SULF2: variants seen among roughly 807,000 people sequenced by gnomAD.
SULF2 encodes the protein extracellular sulfatase Sulf-2.
Under a neutral mutation model 107.7 loss-of-function variants are expected in SULF2, and 52 were observed. The ratio of observed to expected loss-of-function variants is 0.48; its 90% CI spans 0.39 to 0.61. The LOEUF (loss-of-function observed/expected upper bound fraction) is 0.61, where lower values mean the gene tolerates loss of function less well. Ranked by LOEUF, SULF2 falls within the 20% of genes least tolerant of loss-of-function variation. SULF2 has a pLI of 0.00. For synonymous variants in SULF2, 460 were observed against 464.3 expected (o/e 0.99, Z 0.12); for missense variants, 993 against 1,177.3 (o/e 0.84, Z 2.29).
intron 5 of SULF2, among the ~76,000 whole-genome samples, chr20:47,687,403 C>T (rs971965219): frequency 2.0e-5 from 3 of 152,184 alleles, no homozygotes; most frequent in Admixed American, 6.5e-5. Flanking sequence ...ATATCTGGTG[C>T]GTTCACAAAA....
intron 11 of SULF2, among the ~76,000 whole-genome samples, chr20:47,671,523 C>T (rs1261554847): frequency 2.0e-5 from 3 of 151,940 alleles, no homozygotes; most frequent in South Asian, 4.2e-4. Flanking sequence ...ATCTGTCCAC[C>T]TCGGCCTCTC....
chr20:47,688,994 G>T (rs1461962670), intron 5 of SULF2, among the ~76,000 whole-genome samples: 1 of 152,220 alleles, frequency 6.6e-6, no homozygotes, highest in Admixed American at 6.5e-5. Context: ...CTGAGGCAGA[G>T]AGAAGCAGGA....
At position 47,659,697 on chromosome 20, in the gene SULF2, C is replaced by G. The variant is rs2087004639; in HGVS notation, c.2528G>C (p.Arg843Thr). 6.2e-7 allele frequency: 1 copy of G among 1,611,706 alleles called. No individual in the cohort carries two copies. The highest frequency in any genetic ancestry group is 1.7e-5 in the Admixed American group (1 of 59,886). ...AGGCTTTAATAATAAAACGAAATACCTGTATTGCTCATAGCTTCCTCCATC... is the reference window on the plus strand; with the variant it reads ...AGGCTTTAATAATAAAACGAAATACGTGTATTGCTCATAGCTTCCTCCATC... ...LKDGGSYEQY[R>T]QFQRRKWPEM... The change falls in exon 19 of 21, where the codon AGG becomes ACG. Residue 843 changes from arginine (R) to threonine (T), a missense_variant and splice_region_variant. Around this residue, in one of 3 missense-constraint regions of SULF2, gnomAD observed 497 missense variants for 544.1 expected, o/e 0.91. Transcript: ENST00000688720.
chr20:47,763,797 C>T (rs1204730717), intron 1 of SULF2, among the ~76,000 whole-genome samples: 1 of 152,180 alleles, frequency 6.6e-6, no homozygotes, highest in Non-Finnish European at 1.5e-5. Context: ...ACTGGTTTCC[C>T]TGCTTCTACC....
chr20:47,783,162 C>T lies in SULF2; in HGVS notation c.-101+2181G>A, dbSNP rs148145450. 4.6e-3 allele frequency among the ~76,000 whole-genome samples: 706 copies of T among 152,322 alleles called. 5 individuals carry two copies. The highest frequency in any genetic ancestry group is 0.016 in the African/African-American group (668 of 41,570). ...TTAGATCAATGCCTCAGATCAGGCC[C>T]ATACAAAACTACTTAAGTGTTACCA... On this transcript the variant is annotated intron_variant, in intron 1 of 20. Coordinates refer to ENST00000688720, the MANE Select transcript of SULF2 (RefSeq NM_001387048.1).
At position 47,684,598 on chromosome 20, in the gene SULF2, T is replaced by A. The variant is rs1276224059; in HGVS notation, c.738-17A>T. On this transcript the variant is annotated splice_polypyrimidine_tract_variant and intron_variant, in intron 5 of 20. Transcript: ENST00000688720. ...CTCGGCGTGCTGGTGGGCAAGGACATACACATCGGTCAAACCCAGGGACAG... is the reference window on the plus strand; with the variant it reads ...CTCGGCGTGCTGGTGGGCAAGGACAAACACATCGGTCAAACCCAGGGACAG... 1 of 1,610,906 alleles carries A rather than the reference T, an allele frequency of 6.2e-7. No individual in the cohort carries two copies. The highest frequency in any genetic ancestry group is 8.5e-7 in the Non-Finnish European group (1 of 1,178,290).
intron 2 of SULF2, among the ~76,000 whole-genome samples, chr20:47,748,509 G>A (rs1294132068): frequency 6.6e-6 from 1 of 152,180 alleles, no homozygotes; most frequent in Non-Finnish European, 1.5e-5. Flanking sequence ...AATGCACCCA[G>A]CTAGGAAACA....
In SULF2 at chr20:47,694,373, C is replaced by T. The variant is rs148738830; in HGVS notation, c.568-4078G>A. ...AGGGAAGGGTAGAGAAGGCCTGGGC[C>T]GGGGGAAAGGCTGAGTTCAGAGATG... On this transcript the variant is annotated intron_variant, in intron 4 of 20. Transcript: ENST00000688720. This position sits in a 1 kb window ranked among gnomAD's most constrained non-coding sequence, Gnocchi z 4.4. Among the ~76,000 whole-genome samples, 90 of 152,260 alleles carry T rather than the reference C, an allele frequency of 5.9e-4. No individual in the cohort carries two copies. The highest frequency in any genetic ancestry group is 1.5e-3 in the African/African-American group (62 of 41,548).
intron 3 of SULF2, among the ~76,000 whole-genome samples, chr20:47,720,482 T>G (rs1484636856): frequency 6.6e-6 from 1 of 151,754 alleles, no homozygotes; most frequent in Non-Finnish European, 1.5e-5. Flanking sequence ...GGTCTTGAAC[T>G]CCTGGCCTCA....
At chr20:47,729,997 G>C (rs527464916) in intron 3 of SULF2, among the ~76,000 whole-genome samples, 1 of 152,336 alleles carries the variant, frequency 6.6e-6, no homozygotes, top group East Asian at 1.9e-4. Context: ...AGGGCGATGG[G>C]GTGCCCCAAG....
intron 3 of SULF2, among the ~76,000 whole-genome samples, chr20:47,730,549 C>T (rs2089569108): frequency 6.6e-6 from 1 of 152,082 alleles, no homozygotes; most frequent in Admixed American, 6.5e-5. Context: ...CTCCTGGGTT[C>T]AAGTGATTCT....
rs116204510 is a variant in SULF2 at position 47,710,810 on chromosome 20, C to T, written c.416-8140G>A. On this transcript the variant is annotated intron_variant, in intron 3 of 20. Coordinates refer to ENST00000688720, the MANE Select transcript of SULF2 (RefSeq NM_001387048.1). ...TCGTGGCCCAGCAGGTCGGCCACTT[C>T]CCCTGCAGGCAGCTCTACGGTGGAG... Among the ~76,000 whole-genome samples the T allele has an allele frequency of 4.9e-3, 746 of 152,260 alleles. 8 individuals carry two copies. The highest frequency in any genetic ancestry group is 0.017 in the African/African-American group (712 of 41,528).
At chr20:47,758,336 A>AT (rs1180753040) in intron 1 of SULF2, among the ~76,000 whole-genome samples, 8 of 151,832 alleles carry the variant, frequency 5.3e-5, no homozygotes, top group Non-Finnish European at 1.0e-4. Context: ...CGCCCGGCTA[A>AT]TTTTTTGTAT....
intron 2 of SULF2, among the ~76,000 whole-genome samples, chr20:47,740,867 G>A (rs1044221935): frequency 3.3e-5 from 5 of 152,050 alleles, no homozygotes; most frequent in Admixed American, 3.3e-4. Context: ...CACACCCACA[G>A]CCAAGCCCTG....
chr20:47,706,342 G>A (rs1003057054), intron 3 of SULF2, among the ~76,000 whole-genome samples: 17 of 152,032 alleles, frequency 1.1e-4, no homozygotes, highest in African/African-American at 3.9e-4. Context: ...TACCTCCTCC[G>A]AGGGGGACAA....
At position 47,694,321 on chromosome 20, in the gene SULF2, C is replaced by T. The variant is rs1205480766; in HGVS notation, c.568-4026G>A. On this transcript the variant is annotated intron_variant, in intron 4 of 20. Transcript: ENST00000688720. The surrounding 1 kb of genome is among the most constrained non-coding windows in gnomAD (Gnocchi z 4.4). Reference sequence around the variant, plus strand: ...GCGGGAGGGGCGGGTGACCCCCACCCCTGTTGGTCTCTGGTTTGGGCAGTT... The same window carrying T: ...GCGGGAGGGGCGGGTGACCCCCACCTCTGTTGGTCTCTGGTTTGGGCAGTT... Among the ~76,000 whole-genome samples, 1 of 152,096 alleles carries T rather than the reference C, an allele frequency of 6.6e-6. No individual in the cohort carries two copies.
chr20:47,676,048 A>G (rs1192253627), intron 10 of SULF2, among the ~76,000 whole-genome samples: 1 of 152,094 alleles, frequency 6.6e-6, no homozygotes, highest in Non-Finnish European at 1.5e-5. Context: ...AATTTCCTTA[A>G]TATTTCTCTT....
chr20:47,734,534 C>T (rs926088829), intron 3 of SULF2, among the ~76,000 whole-genome samples: 6 of 152,194 alleles, frequency 3.9e-5, no homozygotes, highest in Admixed American at 2.6e-4. Context: ...TAAACAACAA[C>T]TCAATATAAA....
intron 2 of SULF2, among the ~76,000 whole-genome samples, chr20:47,750,249 G>A (rs1273316032): frequency 6.6e-6 from 1 of 152,132 alleles, no homozygotes; most frequent in Non-Finnish European, 1.5e-5. Flanking sequence ...CAAAGCGCTG[G>A]GATCACAGGT....
Sources: gnomAD v4.1 joint callset for allele counts (sites outside exome capture counted in the v4.1 genomes callset) on GRCh38, gnomAD v4.1.1 for gene constraint, gnomAD v4.1.1 regional missense constraint, Gnocchi (gnomAD v3.1) non-coding constraint, MANE v1.5 for transcripts, NCBI Gene and HGNC (gene_info 2026-07-23, HGNC 2026-07-21) for gene names.